RALYL: variants seen among roughly 807,000 people sequenced by gnomAD.
RALYL encodes the protein RNA-binding Raly-like protein.
RALYL carries 29 observed loss-of-function variants against 35.1 expected under a neutral mutation model. That is an observed-to-expected ratio of 0.83 (90% confidence interval 0.61 to 1.13). RALYL has a LOEUF of 1.13. RALYL is among the 50% of genes most tolerant of loss of function. The probability of loss-of-function intolerance (pLI) is 0.00; values close to 1 mark genes in which losing one functional copy is unlikely to be tolerated. For synonymous variants in RALYL, 120 were observed against 127.6 expected (o/e 0.94, Z 0.40); for missense variants, 359 against 360.4 (o/e 1.00, Z 0.03).
At chr8:84,833,508 C>T (rs1831329339) in intron 4 of RALYL, among the ~76,000 whole-genome samples, 1 of 151,766 alleles carries the variant, frequency 6.6e-6, no homozygotes, top group African/African-American at 2.4e-5. Context: ...TGTAGTGGCA[C>T]ACACCTGTAG....
Position 84,361,442 on chromosome 8 carries a change from A to G in RALYL, c.-23-167857A>G, listed in dbSNP as rs573113937. Among the ~76,000 whole-genome samples, 4 of 152,310 alleles carry G rather than the reference A, an allele frequency of 2.6e-5. No individual in the cohort carries two copies. In the South Asian group the frequency reaches 6.2e-4, roughly 24 times the overall value. On this transcript the variant is annotated intron_variant, in intron 1 of 8. Transcript: ENST00000521268. ...AGAGGCATTGGAAGAAATTGTACAGAGAAGAAACTGGGACAACAGACCTGA... is the reference window on the plus strand; with the variant it reads ...AGAGGCATTGGAAGAAATTGTACAGGGAAGAAACTGGGACAACAGACCTGA...
At chr8:84,478,119 G>A (rs887238934) in intron 1 of RALYL, among the ~76,000 whole-genome samples, 2 of 151,986 alleles carry the variant, frequency 1.3e-5, no homozygotes, top group Non-Finnish European at 2.9e-5. Context: ...AAGCCTTTGT[G>A]ATACAGAATT....
intron 2 of RALYL, among the ~76,000 whole-genome samples, chr8:84,549,154 A>G (rs762838253): frequency 2.0e-5 from 3 of 152,128 alleles, no homozygotes; most frequent in Non-Finnish European, 4.4e-5. Context: ...GCGGGTAATA[A>G]TTTCTCTCCA....
intron 8 of RALYL, among the ~76,000 whole-genome samples, chr8:84,891,421 G>T (rs1414084367): frequency 6.6e-6 from 1 of 152,168 alleles, no homozygotes; most frequent in African/African-American, 2.4e-5. Context: ...TACTCTGGAT[G>T]CATGTTTCCT....
intron 2 of RALYL, among the ~76,000 whole-genome samples, chr8:84,735,773 TA>T (rs1847145631): frequency 6.7e-6 from 1 of 148,852 alleles, no homozygotes; most frequent in Admixed American, 6.8e-5. Context: ...CAACTATGGG[TA>T]AAAAACATGC....
intron 7 of RALYL, among the ~76,000 whole-genome samples, chr8:84,877,686 T>C (rs938603510): frequency 1.3e-5 from 2 of 152,104 alleles, no homozygotes; most frequent in South Asian, 4.2e-4. Flanking sequence ...TATCAACAGT[T>C]CCTTTAGTTG....
chr8:84,195,097 G>A (rs1814906436), intron 1 of RALYL, among the ~76,000 whole-genome samples: 1 of 152,124 alleles, frequency 6.6e-6, no homozygotes, highest in African/African-American at 2.4e-5. Context: ...TAGAACTGTA[G>A]TGCAATTGAT....
intron 1 of RALYL, among the ~76,000 whole-genome samples, chr8:84,252,055 C>T (rs1039909346): frequency 1.3e-5 from 2 of 151,844 alleles, no homozygotes; most frequent in African/African-American, 2.4e-5. Context: ...TCCCCTATGC[C>T]CTTAACTCAC....
At chr8:84,500,486 G>A (rs2056536828) in intron 1 of RALYL, among the ~76,000 whole-genome samples, 1 of 152,072 alleles carries the variant, frequency 6.6e-6, no homozygotes, top group Non-Finnish European at 1.5e-5. Flanking sequence ...TAGTATGAAT[G>A]GGAATATTCA....
At chr8:84,305,080 T>C (rs1309321167) in intron 1 of RALYL, among the ~76,000 whole-genome samples, 1 of 152,148 alleles carries the variant, frequency 6.6e-6, no homozygotes, top group Non-Finnish European at 1.5e-5. Context: ...TAAAATAGAA[T>C]ACAGTTTTAT....
chr8:84,487,227 A>T (rs559816381), intron 1 of RALYL, among the ~76,000 whole-genome samples: 2 of 152,214 alleles, frequency 1.3e-5, no homozygotes, highest in South Asian at 4.1e-4. Flanking sequence ...TCAGTTTTTT[A>T]GAGCTTAGAT....
chr8:84,184,656 C>G (rs915457456), intron 1 of RALYL, among the ~76,000 whole-genome samples: 2 of 151,974 alleles, frequency 1.3e-5, no homozygotes, highest in South Asian at 2.1e-4. Flanking sequence ...CCCCTCCCCC[C>G]ACCCCTCCCA....
intron 1 of RALYL, among the ~76,000 whole-genome samples, chr8:84,487,583 CT>C (rs2133982310): frequency 6.6e-6 from 1 of 152,146 alleles, no homozygotes; most frequent in Non-Finnish European, 1.5e-5. Context: ...CAAATATGGC[CT>C]GCCACCAGTT....
intron 1 of RALYL, among the ~76,000 whole-genome samples, chr8:84,369,437 C>A (rs16912717): frequency 0.03 from 4,493 of 152,070 alleles, 216 homozygotes; most frequent in African/African-American, 0.1. Flanking sequence ...CTTGGTTCTG[C>A]AGATTGTTTC....
At chr8:84,819,649 G>T (rs1008447720) in intron 4 of RALYL, among the ~76,000 whole-genome samples, 1 of 152,142 alleles carries the variant, frequency 6.6e-6, no homozygotes, top group African/African-American at 2.4e-5. Flanking sequence ...AAACAGAGGG[G>T]CTGATTGTGC....
rs894282847 is a variant in RALYL, at chr8:84,856,060, T to C, written c.413+6033T>C. Among the ~76,000 whole-genome samples the C allele has an allele frequency of 5.3e-5, 8 of 152,212 alleles. No individual in the cohort carries two copies. The East Asian group carries it at 1.5e-3, about 29-fold the overall frequency. ...TGGAAAACATATTAACAAGAAACAA[T>C]GTTTTGTTATGCAAATTTGAACTAT... On this transcript the variant is annotated intron_variant, in intron 5 of 8. Transcript: ENST00000521268.
At chr8:84,816,696 T>A (rs978121665) in intron 4 of RALYL, among the ~76,000 whole-genome samples, 2 of 152,134 alleles carry the variant, frequency 1.3e-5, no homozygotes, top group Non-Finnish European at 2.9e-5. Flanking sequence ...ACCTATTTGA[T>A]TGCACAACAG....
intron 1 of RALYL, among the ~76,000 whole-genome samples, chr8:84,208,314 G>A (rs911826661): frequency 6.6e-6 from 1 of 152,094 alleles, no homozygotes; most frequent in East Asian, 1.9e-4. Context: ...CTTTAAATCC[G>A]ATTTTTCTTT....
At chr8:84,554,143 A>T (rs1361109114) in intron 2 of RALYL, among the ~76,000 whole-genome samples, 1 of 152,238 alleles carries the variant, frequency 6.6e-6, no homozygotes, top group Admixed American at 6.5e-5. Flanking sequence ...TAATAACAAA[A>T]TTCCTAAAAA....
Sources: gnomAD v4.1 joint callset for allele counts (sites outside exome capture counted in the v4.1 genomes callset) on GRCh38, gnomAD v4.1.1 for gene constraint, MANE v1.5 for transcripts, NCBI Gene and HGNC (gene_info 2026-07-23, HGNC 2026-07-21) for gene names.